The following PHF1 variants were observed in gnomAD, a reference collection of about 807,000 sequenced individuals.
PHF1 encodes PHD finger protein 1, also known as polycomb-like 1.
Under a neutral mutation model 69.4 loss-of-function variants are expected in PHF1, and 16 were observed. That is an observed-to-expected ratio of 0.23 (90% confidence interval 0.16 to 0.35). PHF1 has a LOEUF of 0.35. Among genes scored for constraint, PHF1 ranks in the 10% least tolerant of loss-of-function variants. The probability of loss-of-function intolerance (pLI) is 1.00; values close to 1 mark genes in which losing one functional copy is unlikely to be tolerated. For missense variants in PHF1, 515 were observed against 732.8 expected (o/e 0.70, Z 3.43); for synonymous variants, 274 against 275.0 (o/e 1.00, Z 0.04).
chr6:33,412,453 A>AGTT lies in PHF1; in HGVS notation c.159+32_159+34dup. ...ACCTTCTACCTCTGACCTTCTTCCTAGTTCCCTTATCTAATTCTGGTTCCC... is the reference window on the plus strand; with the variant it reads ...ACCTTCTACCTCTGACCTTCTTCCTAGTTGTTCCCTTATCTAATTCTGGTTCCC... On this transcript the variant is annotated intron_variant, in intron 2 of 14. Coordinates refer to ENST00000374516, the MANE Select transcript of PHF1 (RefSeq NM_024165.3). The surrounding 1 kb of genome is among the most constrained non-coding windows in gnomAD (Gnocchi z 4.2). The AGTT allele has an allele frequency of 6.2e-7, 1 of 1,614,170 alleles. No individual in the cohort carries two copies. The highest frequency in any genetic ancestry group is 8.5e-7 in the Non-Finnish European group (1 of 1,180,006).
chr6:33,412,662 T>TA lies in PHF1; in HGVS notation c.242-33dup, dbSNP rs769430376. ...TGGCCTAGAGGGGCAGAAAGAGACT[T>TA]AAAGGCAGGCCCTGTGACACTGTGT... is the stretch of plus-strand genomic sequence containing the variant. On this transcript the variant is annotated intron_variant, in intron 3 of 14. Coordinates refer to ENST00000374516, the MANE Select transcript of PHF1 (RefSeq NM_024165.3). This position sits in a 1 kb window ranked among gnomAD's most constrained non-coding sequence, Gnocchi z 4.2. The TA allele has an allele frequency of 1.9e-6, 3 of 1,611,704 alleles. No individual in the cohort carries two copies. The highest frequency in any genetic ancestry group is 2.5e-6 in the Non-Finnish European group (3 of 1,177,754).
chr6:33,414,667 G>T lies in PHF1; in HGVS notation c.945-58G>T. 6 of 1,558,738 alleles carry T rather than the reference G, an allele frequency of 3.8e-6. No individual in the cohort carries two copies. Among genetic ancestry groups the T allele is most frequent in the Non-Finnish European group, 5.3e-6 (6 of 1,131,438 alleles). On this transcript the variant is annotated intron_variant, in intron 10 of 14. Coordinates refer to ENST00000374516, the MANE Select transcript of PHF1 (RefSeq NM_024165.3). The surrounding 1 kb of genome is among the most constrained non-coding windows in gnomAD (Gnocchi z 5.0). ...TGACTGAAAAGGATTGAGGAATGGC[G>T]TAAGGAGGAACCGTTTTTTACAGCA...
Position 33,412,330 on chromosome 6 carries a change from C to G in PHF1, c.67C>G (p.Pro23Ala). The G allele has an allele frequency of 6.2e-7, 1 of 1,614,224 alleles. No individual in the cohort carries two copies. Residue 23 changes from proline to alanine, a missense_variant, in exon 2 of 15, where the codon CCC becomes GCC. Transcript: ENST00000374516. This position sits in a 1 kb window ranked among gnomAD's most constrained non-coding sequence, Gnocchi z 4.2. ...ACTTTGGGACCCAGCTTCTCCTGCTCCCACCTCTGGCCCCAGGCCTCGGCT... is the reference window on the plus strand; with the variant it reads ...ACTTTGGGACCCAGCTTCTCCTGCTGCCACCTCTGGCCCCAGGCCTCGGCT... Reference protein sequence around the residue: ...SSLWDPASPAPTSGPRPRLWE... With the variant: ...SSLWDPASPAATSGPRPRLWE...
Position 33,413,192 on chromosome 6 carries a change from G to A in PHF1, c.338-4G>A, listed in dbSNP as rs775547414. 4 of 1,612,910 alleles carry A rather than the reference G, an allele frequency of 2.5e-6. No individual in the cohort carries two copies. The highest frequency in any genetic ancestry group is 3.4e-6 in the Non-Finnish European group (4 of 1,179,090). On this transcript the variant is annotated splice_region_variant and splice_polypyrimidine_tract_variant and intron_variant, in intron 4 of 14. Transcript: ENST00000374516. The stretch of plus-strand genomic sequence containing the variant: ...CAATAAGTGGTCTACTATTATCACT[G>A]CAGCTTATCACCAGGACTGCCATGT...
rs924762559 is a variant in PHF1 at position 33,414,929 on chromosome 6, TG to T, written c.1050-20del. ...GTCTTGGGGGTGTCCGGGAGGGGGC[TG>T]GGGGGATAAGGAGGCCTCTTACAGC... On this transcript the variant is annotated intron_variant, in intron 11 of 14. Coordinates refer to ENST00000374516, the MANE Select transcript of PHF1 (RefSeq NM_024165.3). This position sits in a 1 kb window ranked among gnomAD's most constrained non-coding sequence, Gnocchi z 5.0. 4.1e-6 allele frequency: 5 copies of T among 1,211,042 alleles called. No homozygotes were observed. The highest frequency in any genetic ancestry group is 4.4e-5 in the African/African-American group (2 of 45,734). 75.0% of individuals were successfully genotyped at this position (1,211,042 alleles called of 1,614,324 possible).
rs1051317717 is a variant in PHF1 at position 33,415,953 on chromosome 6, G to A, written c.1559G>A (p.Ser520Asn). The change falls in exon 15 of 15, where the codon AGT becomes AAT. Residue 520 changes from serine to asparagine, a missense_variant. Transcript: ENST00000374516. ...GCACCCCCTTCTCCCCTGTGCCGTA[G>A]TTTGTCTCCTGGGACTGGGGGAGGA... is the stretch of plus-strand genomic sequence containing the variant. ...RSAPPSPLCR[S>N]LSPGTGGGVR... 2 of 1,614,120 alleles carry A rather than the reference G, an allele frequency of 1.2e-6. No individual in the cohort carries two copies. The highest frequency in any genetic ancestry group is 1.7e-4 in the Middle Eastern group (1 of 6,060).
chr6:33,415,400 C>T (rs1464351888), intron 13 of PHF1, 71 bp downstream of exon 13: 1 of 1,362,554 alleles, frequency 7.3e-7, no homozygotes. Context: ...CTTTATCACC[C>T]AGAATTCTTT....
Position 33,413,310 on chromosome 6 carries a change from C to T in PHF1, c.438+14C>T. On this transcript the variant is annotated intron_variant, in intron 5 of 14. Transcript: ENST00000374516. ...ATCGCCACCAAGGTAAAGGCACTTC[C>T]CTGTTACCCTTCCTGTGGGAGCCTC... The T allele has an allele frequency of 6.2e-7, 1 of 1,612,190 alleles. No individual in the cohort carries two copies. Among genetic ancestry groups the T allele is most frequent in the Non-Finnish European group, 8.5e-7 (1 of 1,178,848 alleles).
At position 33,412,286 on chromosome 6, in the gene PHF1, G is replaced by A. The variant is rs1471981210; in HGVS notation, c.23G>A (p.Ser8Asn). Reference protein sequence around the residue: MAQPPRLSRSGASSLWDP... With the variant: MAQPPRLNRSGASSLWDP... Reference sequence around the variant, plus strand: ...GCAATGGCGCAGCCCCCCCGGCTGAGCCGCTCTGGTGCCTCCTCACTTTGG... The same window carrying A: ...GCAATGGCGCAGCCCCCCCGGCTGAACCGCTCTGGTGCCTCCTCACTTTGG... The change falls in exon 2 of 15, where the codon AGC becomes AAC. Residue 8 changes from serine to asparagine, a missense_variant. This residue lies in a region of PHF1 where 52 missense variants were observed against 48.2 expected (regional missense o/e 1.08). Coordinates refer to ENST00000374516, the MANE Select transcript of PHF1 (RefSeq NM_024165.3). This position sits in a 1 kb window ranked among gnomAD's most constrained non-coding sequence, Gnocchi z 4.2. 6.2e-7 allele frequency: 1 copy of A among 1,613,940 alleles called. No individual in the cohort carries two copies. Among genetic ancestry groups the A allele is most frequent in the Admixed American group, 1.7e-5 (1 of 60,028 alleles).
In PHF1 at chr6:33,414,032, C is replaced by G; in HGVS notation, c.684-9C>G. The G allele has an allele frequency of 1.9e-6, 3 of 1,613,976 alleles. No homozygotes were observed. The highest frequency in any genetic ancestry group is 2.5e-6 in the Non-Finnish European group (3 of 1,180,036). ...GTAAGTGTGTTTGCTCCCTCTTGCC[C>G]ATGTCCAGGTTCTATGAATTTGAAT... is the stretch of plus-strand genomic sequence containing the variant. On this transcript the variant is annotated splice_polypyrimidine_tract_variant and intron_variant, in intron 7 of 14. Coordinates refer to ENST00000374516, the MANE Select transcript of PHF1 (RefSeq NM_024165.3). This position sits in a 1 kb window ranked among gnomAD's most constrained non-coding sequence, Gnocchi z 5.0.
Position 33,415,590 on chromosome 6 carries a change from C to T in PHF1, c.1335C>T (p.Ser445=). ...CTGACTTTCCCCACTCCAACCCCAG[C>T]AGCCCCATCCGGATGTTTGCTTCCT... ...FRPTDARCLP[S]SPIRMFASFH... The change falls in exon 14 of 15, where the codon AGC becomes AGT. Residue 445 remains serine, a splice_region_variant and synonymous_variant. Coordinates refer to ENST00000374516, the MANE Select transcript of PHF1 (RefSeq NM_024165.3). 1.2e-6 allele frequency: 2 copies of T among 1,614,002 alleles called. No individual in the cohort carries two copies. Among genetic ancestry groups the T allele is most frequent in the Non-Finnish European group, 1.7e-6 (2 of 1,179,936 alleles).
Position 33,415,001 on chromosome 6 carries a change from G to A in PHF1, c.1096G>A (p.Gly366Arg), listed in dbSNP as rs1776342596. The change falls in exon 12 of 15, where the codon GGG (glycine) becomes AGG (arginine). Residue 366 changes from glycine (G) to arginine (R), a missense_variant. Coordinates refer to ENST00000374516, the MANE Select transcript of PHF1 (RefSeq NM_024165.3). ...GPGGGVSRPL[G>R]KRRRPEPEPL... ...TGGGGGAGGGGTCTCACGTCCCCTG[G>A]GGAAGCGCCGGAGGCCGGAGCCAGA... 6.4e-7 allele frequency: 1 copy of A among 1,560,894 alleles called. No individual in the cohort carries two copies. Among genetic ancestry groups the A allele is most frequent in the Non-Finnish European group, 8.7e-7 (1 of 1,152,870 alleles).
At chr6:33,411,489 G>A (rs1045945589) in intron 1 of PHF1, among the ~76,000 whole-genome samples, 8 of 152,224 alleles carry the variant, frequency 5.3e-5, no homozygotes, top group Non-Finnish European at 1.5e-5. Context: ...TTAATGAGAC[G>A]CGCAGGCCTG....
chr6:33,415,018 G>A lies in PHF1; in HGVS notation c.1113G>A (p.Pro371=), dbSNP rs752516914. The A allele has an allele frequency of 1.1e-5, 17 of 1,574,020 alleles. No individual in the cohort carries two copies. The highest frequency in any genetic ancestry group is 2.3e-5 in the South Asian group (2 of 87,674). Residue 371 remains proline, a synonymous_variant, in exon 12 of 15, where the codon CCG becomes CCA. Transcript: ENST00000374516. ...VSRPLGKRRR[P]EPEPLRRRQK... ...GTCCCCTGGGGAAGCGCCGGAGGCCGGAGCCAGAGCCCCTGAGGAGGAGGC... is the reference window on the plus strand; with the variant it reads ...GTCCCCTGGGGAAGCGCCGGAGGCCAGAGCCAGAGCCCCTGAGGAGGAGGC...
Position 33,413,467 on chromosome 6 carries a change from C to G in PHF1, c.497C>G (p.Ser166Cys). The part of the protein sequence containing the change: ...YARAMLGMKL[S>C]LPYGLKGLDW... Reference sequence around the variant, plus strand: ...CGGGCCATGCTGGGTATGAAGCTTTCTCTGCCATATGGACTGAAGGGGCTG... The same window carrying G: ...CGGGCCATGCTGGGTATGAAGCTTTGTCTGCCATATGGACTGAAGGGGCTG... The change falls in exon 6 of 15, where the codon TCT becomes TGT. Residue 166 changes from serine to cysteine, a missense_variant. This residue lies in a region of PHF1 where 142 missense variants were observed against 309.7 expected (regional missense o/e 0.46). Transcript: ENST00000374516. 1 of 1,614,218 alleles carries G rather than the reference C, an allele frequency of 6.2e-7. No individual in the cohort carries two copies. Among genetic ancestry groups the G allele is most frequent in the Non-Finnish European group, 8.5e-7 (1 of 1,180,040 alleles).
intron 1 of PHF1, among the ~76,000 whole-genome samples, 170 bp downstream of exon 1, chr6:33,411,385 C>G (rs1018535849): frequency 6.6e-6 from 1 of 152,206 alleles, no homozygotes; most frequent in Non-Finnish European, 1.5e-5. Flanking sequence ...ACACGCCCCC[C>G]TCCCGGGGCA....
chr6:33,414,567 C>A lies in PHF1; in HGVS notation c.944+23C>A. 1 of 1,610,970 alleles carries A rather than the reference C, an allele frequency of 6.2e-7. No individual in the cohort carries two copies. The highest frequency in any genetic ancestry group is 8.5e-7 in the Non-Finnish European group (1 of 1,177,314). On this transcript the variant is annotated intron_variant, in intron 10 of 14. Transcript: ENST00000374516. This position sits in a 1 kb window ranked among gnomAD's most constrained non-coding sequence, Gnocchi z 5.0. Reference sequence around the variant, plus strand: ...CCGGTGAGTTGGAGGGAAGAGGAGGCAAGGATGAGGCTCGGAAAGAGATGG... The same window carrying A: ...CCGGTGAGTTGGAGGGAAGAGGAGGAAAGGATGAGGCTCGGAAAGAGATGG...
At chr6:33,415,693 C>T in intron 14 of PHF1, 23 bp downstream of exon 14, 1 of 1,611,692 alleles carries the variant, frequency 6.2e-7, no homozygotes, top group Non-Finnish European at 8.5e-7. Context: ...CTTCTATTAC[C>T]AGTGATGCTC....
chr6:33,413,310 CCT>C lies in PHF1; in HGVS notation c.438+15_438+16del. 1 of 1,612,190 alleles carries C rather than the reference CCT, an allele frequency of 6.2e-7. No homozygotes were observed. The highest frequency in any genetic ancestry group is 2.2e-5 in the East Asian group (1 of 44,862). The stretch of plus-strand genomic sequence containing the variant: ...ATCGCCACCAAGGTAAAGGCACTTC[CCT>C]GTTACCCTTCCTGTGGGAGCCTCCC... On this transcript the variant is annotated intron_variant, in intron 5 of 14. Coordinates refer to ENST00000374516, the MANE Select transcript of PHF1 (RefSeq NM_024165.3).
Sources: gnomAD v4.1 joint callset for allele counts (sites outside exome capture counted in the v4.1 genomes callset) on GRCh38, gnomAD v4.1.1 for gene constraint, gnomAD v4.1.1 regional missense constraint, Gnocchi (gnomAD v3.1) non-coding constraint, MANE v1.5 for transcripts, NCBI Gene and HGNC (gene_info 2026-07-23, HGNC 2026-07-21) for gene names.